The following TSC22D1 variants were observed in gnomAD, a reference collection of about 807,000 sequenced individuals.
The protein encoded by TSC22D1 is TSC22 domain family protein 1.
Under a neutral mutation model 74.2 loss-of-function variants are expected in TSC22D1, and 9 were observed. The ratio of observed to expected loss-of-function variants is 0.12; its 90% CI spans 0.07 to 0.21. TSC22D1 has a LOEUF of 0.21. TSC22D1 is among the 10% of genes least tolerant of loss of function. TSC22D1 has a pLI of 1.00. For missense variants in TSC22D1, 1,427 were observed against 1,304.7 expected (o/e 1.09, Z -1.44); for synonymous variants, 586 against 492.5 (o/e 1.19, Z -2.51).
chr13:44,525,372 A>G (rs2138051087), intron 1 of TSC22D1, among the ~76,000 whole-genome samples: 1 of 152,290 alleles, frequency 6.6e-6, no homozygotes, highest in East Asian at 1.9e-4. Context: ...GGATCACTTG[A>G]GCCCAGGAAT....
intron 1 of TSC22D1, among the ~76,000 whole-genome samples, chr13:44,478,796 T>C (rs1878040649): frequency 1.3e-5 from 2 of 152,100 alleles, no homozygotes; most frequent in African/African-American, 4.8e-5. Context: ...TGGACACTAA[T>C]TGTCAAACAG....
intron 1 of TSC22D1, among the ~76,000 whole-genome samples, chr13:44,451,253 G>A (rs1024167508): frequency 6.6e-6 from 1 of 152,172 alleles, no homozygotes; most frequent in African/African-American, 2.4e-5. Flanking sequence ...TGACAGAAGC[G>A]GGACACTGCA....
intron 1 of TSC22D1, among the ~76,000 whole-genome samples, chr13:44,558,493 A>C (rs1208231495): frequency 6.6e-6 from 1 of 152,154 alleles, no homozygotes; most frequent in Non-Finnish European, 1.5e-5. Flanking sequence ...TAATCCCAGC[A>C]CTTTGGGAGG....
chr13:44,444,278 C>CAAAAAAA (rs71070905), intron 1 of TSC22D1, among the ~76,000 whole-genome samples: 36 of 17,588 alleles, frequency 2.0e-3, no homozygotes, highest in Middle Eastern at 0.05. Context: ...GACTCTGTCT[C>CAAAAAAA]AAAAAAAAAA....
chr13:44,484,197 A>G (rs558721381), intron 1 of TSC22D1, among the ~76,000 whole-genome samples: 2 of 152,330 alleles, frequency 1.3e-5, no homozygotes, highest in Admixed American at 1.3e-4. Context: ...AACAAATAGT[A>G]TCTGAACGTT....
intron 1 of TSC22D1, among the ~76,000 whole-genome samples, chr13:44,493,696 A>G (rs1031750647): frequency 5.3e-5 from 8 of 152,244 alleles, no homozygotes; most frequent in African/African-American, 1.9e-4. Flanking sequence ...CAAGCAGGCT[A>G]TGAGAGGACT....
intron 1 of TSC22D1, among the ~76,000 whole-genome samples, chr13:44,572,314 C>G (rs1293078944): frequency 6.6e-6 from 1 of 152,064 alleles, no homozygotes; most frequent in Non-Finnish European, 1.5e-5. Flanking sequence ...TGAAAAAACG[C>G]TTGGTTTAAT....
At chr13:44,563,982 G>T (rs1239986263) in intron 1 of TSC22D1, among the ~76,000 whole-genome samples, 1 of 152,028 alleles carries the variant, frequency 6.6e-6, no homozygotes. Flanking sequence ...TACACTCCTT[G>T]GGGACAAGAA....
intron 1 of TSC22D1, among the ~76,000 whole-genome samples, chr13:44,439,660 A>T (rs1875028561): frequency 6.6e-6 from 1 of 152,246 alleles, no homozygotes; most frequent in Non-Finnish European, 1.5e-5. Context: ...AAAGATCAGG[A>T]GGTATCACCT....
At chr13:44,452,115 A>G (rs2138914481) in intron 1 of TSC22D1, among the ~76,000 whole-genome samples, 1 of 152,338 alleles carries the variant, frequency 6.6e-6, no homozygotes, top group East Asian at 1.9e-4. Flanking sequence ...TTTGAACAAA[A>G]CACGATATAA....
chr13:44,517,332 AAAC>A (rs78647793), intron 1 of TSC22D1, among the ~76,000 whole-genome samples: 2 of 119,188 alleles, frequency 1.7e-5, no homozygotes, highest in Admixed American at 8.8e-5. Context: ...AACAAAAACA[AAAC>A]ACACACACAC....
chr13:44,576,394 G>A (rs924361135), upstream of TSC22D1: 3 of 281,380 alleles, frequency 1.1e-5, no homozygotes, highest in South Asian at 1.2e-4. Context: ...AGGAGGGAGG[G>A]GGAGAGCGCA....
chr13:44,465,616 C>G (rs1249515646), intron 1 of TSC22D1, among the ~76,000 whole-genome samples: 1 of 152,146 alleles, frequency 6.6e-6, no homozygotes, highest in Non-Finnish European at 1.5e-5. Flanking sequence ...GAGAATAGCT[C>G]TTAGGAAGAA....
intron 1 of TSC22D1, among the ~76,000 whole-genome samples, chr13:44,533,354 C>T (rs1316765020): frequency 6.6e-6 from 1 of 151,430 alleles, no homozygotes; most frequent in South Asian, 2.1e-4. Context: ...CCCAGCTACT[C>T]ACGAGGCTGA....
chr13:44,551,914 T>TA (rs933188220), intron 1 of TSC22D1, among the ~76,000 whole-genome samples: 67 of 151,814 alleles, frequency 4.4e-4, no homozygotes, highest in Admixed American at 4.0e-3. Context: ...AAATTAAAAG[T>TA]AAAAAAACAA....
At chr13:44,469,519 T>G (rs1026158265) in intron 1 of TSC22D1, among the ~76,000 whole-genome samples, 1 of 152,200 alleles carries the variant, frequency 6.6e-6, no homozygotes, top group African/African-American at 2.4e-5. Context: ...CATCTGATCT[T>G]TCTGGTAATC....
At chr13:44,544,475 CA>C (rs1881685637) in intron 1 of TSC22D1, among the ~76,000 whole-genome samples, 1 of 142,008 alleles carries the variant, frequency 7.0e-6, no homozygotes, top group Non-Finnish European at 1.5e-5. Flanking sequence ...ATGGAATACA[CA>C]TTTTTTGAAA....
At chr13:44,515,625 A>T (rs1879944577) in intron 1 of TSC22D1, among the ~76,000 whole-genome samples, 1 of 152,148 alleles carries the variant, frequency 6.6e-6, no homozygotes, top group Admixed American at 6.5e-5. Flanking sequence ...TTTAATAGAG[A>T]CAGGGTTTTG....
At chr13:44,456,825 T>G (rs1385592984) in intron 1 of TSC22D1, among the ~76,000 whole-genome samples, 1 of 152,102 alleles carries the variant, frequency 6.6e-6, no homozygotes, top group Non-Finnish European at 1.5e-5. Flanking sequence ...TCTCAGAAAC[T>G]AGAACAAAAT....
Sources: allele counts gnomAD v4.1 joint callset (sites outside exome capture counted in the v4.1 genomes callset), GRCh38; gene constraint gnomAD v4.1.1; transcripts MANE v1.5; gene names NCBI Gene and HGNC (gene_info 2026-07-23, HGNC 2026-07-21).